Variants in PCGF3 observed in about 807,000 individuals in gnomAD.
PCGF3 encodes polycomb group RING finger protein 3.
PCGF3 carries 7 observed loss-of-function variants against 33.1 expected under a neutral mutation model. The ratio of observed to expected loss-of-function variants is 0.21; its 90% CI spans 0.12 to 0.40. The LOEUF (loss-of-function observed/expected upper bound fraction) is 0.40. Ranked by LOEUF, PCGF3 falls within the 10% of genes least tolerant of loss-of-function variation. The pLI is 1.00. For synonymous variants in PCGF3, 153 were observed against 121.3 expected (o/e 1.26, Z -1.72); for missense variants, 211 against 313.3 (o/e 0.67, Z 2.46).
chr4:715,378 A>G, intron 1 of PCGF3, among the ~76,000 whole-genome samples: 1 of 140,416 alleles, frequency 7.1e-6, no homozygotes, highest in Non-Finnish European at 1.5e-5. Flanking sequence ...TGAGTGTGAG[A>G]ACCGGGCATC....
chr4:717,638 A>C (rs2109537782), intron 1 of PCGF3, among the ~76,000 whole-genome samples: 1 of 152,310 alleles, frequency 6.6e-6, no homozygotes, highest in South Asian at 2.1e-4. Flanking sequence ...TTGGCCTTGC[A>C]AAGTGCTGGG....
chr4:709,452 T>C (rs1161450881), intron 1 of PCGF3, among the ~76,000 whole-genome samples: 1 of 151,850 alleles, frequency 6.6e-6, no homozygotes, highest in Non-Finnish European at 1.5e-5. Context: ...CAAGAGTGAA[T>C]GATCCATGAG....
exon 11 of PCGF3, chr4:766,722 C>G (rs1316472395): frequency 6.6e-6 from 1 of 152,216 alleles, no homozygotes; most frequent in East Asian, 1.9e-4. Flanking sequence ...GGCACTTGGA[C>G]TCACTCAGAA....
chr4:732,975 C>T (rs975406636), intron 3 of PCGF3, among the ~76,000 whole-genome samples: 5 of 152,326 alleles, frequency 3.3e-5, no homozygotes, highest in African/African-American at 9.6e-5. Context: ...AGAGCGGCTG[C>T]GGCAGCTGTC....
At chr4:764,617 G>A (rs1745259321) in intron 9 of PCGF3, 1 of 196,020 alleles carries the variant, frequency 5.1e-6, no homozygotes. Flanking sequence ...GGCCTGTCAA[G>A]AGAAAAAGGG....
chr4:739,558 G>T (rs1161683566), intron 6 of PCGF3, among the ~76,000 whole-genome samples: 1 of 152,186 alleles, frequency 6.6e-6, no homozygotes, highest in Admixed American at 6.5e-5. Context: ...TCTGGTTCCT[G>T]CCTCTGCCTT....
chr4:739,157 C>G (rs1478872745), intron 6 of PCGF3, among the ~76,000 whole-genome samples: 2 of 152,208 alleles, frequency 1.3e-5, no homozygotes, highest in Admixed American at 1.3e-4. Flanking sequence ...CCACTCAGTG[C>G]TGACATTTCT....
chr4:713,667 C>T (rs561668545), intron 1 of PCGF3, among the ~76,000 whole-genome samples: 1 of 152,236 alleles, frequency 6.6e-6, no homozygotes, highest in African/African-American at 2.4e-5. Context: ...GGGCGTGGCC[C>T]GTATTAGATG....
At chr4:754,714 G>C (rs982817938) in intron 8 of PCGF3, among the ~76,000 whole-genome samples, 2 of 152,206 alleles carry the variant, frequency 1.3e-5, no homozygotes, top group African/African-American at 2.4e-5. Context: ...TGGGATGTGA[G>C]ATCGGGGTGT....
At position 720,712 on chromosome 4, in the gene PCGF3, G is replaced by A. The variant is rs1011257617; in HGVS notation, c.-189-9918G>A. ...GCGGTGACGTGCGTGTGGACCCGGC[G>A]TGGACGGGCGGTGACGTGCGTGTGG... On this transcript the variant is annotated intron_variant, in intron 1 of 10. Transcript: ENST00000362003. This position sits in a 1 kb window ranked among gnomAD's most constrained non-coding sequence, Gnocchi z 5.6. Among the ~76,000 whole-genome samples, 4 of 150,978 alleles carry A rather than the reference G, an allele frequency of 2.6e-5. No homozygotes were observed. Among genetic ancestry groups the A allele is most frequent in the African/African-American group, 4.9e-5 (2 of 41,026 alleles).
chr4:737,689 C>CT (rs1743894568), intron 6 of PCGF3, 168 bp downstream of exon 6: 1 of 615,194 alleles, frequency 1.6e-6, no homozygotes, highest in Non-Finnish European at 2.9e-6. Context: ...CTGGTCTCTT[C>CT]TTTCGTCTAA....
chr4:735,783 C>T (rs189903082), intron 5 of PCGF3, among the ~76,000 whole-genome samples: 3 of 152,202 alleles, frequency 2.0e-5, no homozygotes, highest in South Asian at 2.1e-4. Context: ...AGGGTCACAG[C>T]GAGCCTGGAC....
chr4:753,037 G>T (rs1490627687), intron 8 of PCGF3, among the ~76,000 whole-genome samples: 2 of 152,248 alleles, frequency 1.3e-5, no homozygotes, highest in African/African-American at 4.8e-5. Context: ...GTGGGAGACA[G>T]ATCCCGGCCC....
chr4:709,499 CA>C (rs912723203), intron 1 of PCGF3, among the ~76,000 whole-genome samples: 2 of 152,004 alleles, frequency 1.3e-5, no homozygotes, highest in Non-Finnish European at 2.9e-5. Flanking sequence ...GATCCATGAA[CA>C]AATGAATGAA....
At chr4:734,082 C>G (rs1345576603) in intron 4 of PCGF3, 2 of 1,550,624 alleles carry the variant, frequency 1.3e-6, no homozygotes, top group Non-Finnish European at 1.7e-6. Flanking sequence ...ACAGTGCTCA[C>G]TGCTGGCAGT....
At chr4:755,990 G>C (rs571653659) in intron 8 of PCGF3, among the ~76,000 whole-genome samples, 1 of 121,982 alleles carries the variant, frequency 8.2e-6, no homozygotes, top group African/African-American at 3.2e-5. Context: ...TTGGCTCACC[G>C]CAACCTCCAC....
chr4:759,953 C>T (rs917035511), intron 8 of PCGF3, among the ~76,000 whole-genome samples: 1 of 151,832 alleles, frequency 6.6e-6, no homozygotes, highest in Non-Finnish European at 1.5e-5. Context: ...TTTCTCCCCA[C>T]GGCCTCTCTC....
intron 8 of PCGF3, among the ~76,000 whole-genome samples, chr4:752,465 C>T (rs541852295): frequency 1.9e-4 from 29 of 152,328 alleles, no homozygotes; most frequent in East Asian, 5.8e-4. Context: ...CATGGATGCA[C>T]GGCCACAGCT....
exon 3 of PCGF3, chr4:730,980 A>T: frequency 5.0e-6 from 2 of 398,538 alleles, no homozygotes; most frequent in Admixed American, 4.4e-5. Context: ...AAAATGGAAA[A>T]AGAGCCAGGG....
Sources: gnomAD v4.1 joint callset for allele counts (sites outside exome capture counted in the v4.1 genomes callset) on GRCh38, gnomAD v4.1.1 for gene constraint, Gnocchi (gnomAD v3.1) non-coding constraint, MANE v1.5 for transcripts, NCBI Gene and HGNC (gene_info 2026-07-23, HGNC 2026-07-21) for gene names.